The following CCDC102B variants were observed in gnomAD, a reference collection of about 807,000 sequenced individuals.
CCDC102B encodes coiled-coil domain containing 102B, also known as coiled-coil domain-containing protein 102B.
In CCDC102B, 75 loss-of-function variants were observed where a neutral mutation model predicts 57.4. That is an observed-to-expected ratio of 1.31 (90% CI 1.08 to 1.58). CCDC102B has a LOEUF of 1.58. CCDC102B is among the 40% of genes most tolerant of loss of function. The probability of loss-of-function intolerance (pLI) is 0.00; values close to 1 mark genes in which losing one functional copy is unlikely to be tolerated. For synonymous variants in CCDC102B, 206 were observed against 201.9 expected (o/e 1.02, Z -0.17); for missense variants, 636 against 582.6 (o/e 1.09, Z -0.94).
intron 7 of CCDC102B, among the ~76,000 whole-genome samples, chr18:69,015,846 CA>C (rs1303162861): frequency 4.6e-5 from 7 of 151,766 alleles, no homozygotes; most frequent in Non-Finnish European, 7.4e-5. Context: ...TATAATGGCA[CA>C]TTTTTTTATT....
At position 68,977,447 on chromosome 18, in the gene CCDC102B, G is replaced by A. The variant is rs561592147; in HGVS notation, c.1264-33487G>A. 7.3e-5 allele frequency among the ~76,000 whole-genome samples: 11 copies of A among 151,592 alleles called. No homozygotes were observed. In the South Asian group the frequency reaches 2.3e-3, roughly 32 times the overall value. ...CATGCCCTGACAGGCCCCAGTGTGT[G>A]ACGTTCCCCTCTCTATGTCCTTGTG... On this transcript the variant is annotated intron_variant, in intron 6 of 7. Transcript: ENST00000360242.
intron 1 of CCDC102B, among the ~76,000 whole-genome samples, chr18:68,818,450 G>T (rs58822112): frequency 0.048 from 7,310 of 152,180 alleles, 179 homozygotes; most frequent in African/African-American, 0.056. Context: ...AACGAACTTT[G>T]AAAAAGAATA....
chr18:68,799,816 G>A (rs1425090605), intron 1 of CCDC102B, among the ~76,000 whole-genome samples: 1 of 152,096 alleles, frequency 6.6e-6, no homozygotes, highest in African/African-American at 2.4e-5. Flanking sequence ...TATCTGATTG[G>A]AGCAGAAAAA....
downstream of CCDC102B, among the ~76,000 whole-genome samples, chr18:69,055,894 A>G (rs780216076): frequency 2.0e-5 from 3 of 152,050 alleles, no homozygotes; most frequent in Non-Finnish European, 4.4e-5. Context: ...ATACTCTCAC[A>G]TTATATCATG....
At chr18:68,747,697 CCTT>C (rs1175409871) in intron 2 of CCDC102B, among the ~76,000 whole-genome samples, 2 of 152,042 alleles carry the variant, frequency 1.3e-5, no homozygotes, top group African/African-American at 4.8e-5. Flanking sequence ...TATGGCAGGA[CCTT>C]CTTCTTTTCA....
chr18:68,725,407 C>T (rs1229497680), intron 2 of CCDC102B, among the ~76,000 whole-genome samples: 2 of 152,190 alleles, frequency 1.3e-5, no homozygotes, highest in Non-Finnish European at 2.9e-5. Flanking sequence ...CAAAAATCTA[C>T]AATCAAGGCG....
chr18:68,727,205 A>G (rs1271226428), intron 2 of CCDC102B, among the ~76,000 whole-genome samples: 1 of 152,166 alleles, frequency 6.6e-6, no homozygotes, highest in Non-Finnish European at 1.5e-5. Context: ...ATGCTGAGAT[A>G]ATATTCAGAA....
chr18:68,760,658 G>A (rs993588166), intron 2 of CCDC102B, among the ~76,000 whole-genome samples: 5 of 152,114 alleles, frequency 3.3e-5, no homozygotes, highest in South Asian at 2.1e-4. Context: ...AAGCAAATGC[G>A]TGGTGCTATG....
intron 6 of CCDC102B, among the ~76,000 whole-genome samples, chr18:68,934,979 G>A (rs964846164): frequency 4.6e-5 from 7 of 152,006 alleles, no homozygotes; most frequent in South Asian, 2.1e-4. Flanking sequence ...GGTAGGTGGC[G>A]GTGAGTCCTA....
intron 2 of CCDC102B, among the ~76,000 whole-genome samples, chr18:68,736,361 A>G (rs753067382): frequency 6.6e-5 from 10 of 152,186 alleles, no homozygotes; most frequent in Non-Finnish European, 1.5e-4. Flanking sequence ...GCATCTGTGA[A>G]ACACAAACAT....
intron 6 of CCDC102B, among the ~76,000 whole-genome samples, chr18:68,910,223 G>A (rs773048603): frequency 2.0e-5 from 3 of 152,154 alleles, no homozygotes; most frequent in African/African-American, 4.8e-5. Context: ...AATCTGGTAC[G>A]TGGAGATTGC....
rs777096973 is a variant in CCDC102B at position 68,838,872 on chromosome 18, C to G, written c.773C>G (p.Ser258Ter). The change falls in exon 3 of 8, where the codon TCA (serine) becomes TGA (stop). Residue 258 changes from serine (S) to a stop codon, truncating the protein, a stop_gained. Transcript: ENST00000360242. LOFTEE classifies it high-confidence loss of function. ...TTGGAAAATGAAGTAACTGAAATTT[C>G]AGCTTTGCAGGTGCATTTGGATGAA... Reference protein sequence around the residue: ...LPLENEVTEISALQVHLDEFQ... With the variant: ...LPLENEVTEI The G allele has an allele frequency of 5.0e-6, 8 of 1,613,786 alleles. No homozygotes were observed. In the African/African-American group the frequency reaches 5.3e-5, roughly 11 times the overall value.
At chr18:68,842,697 C>T (rs1211295854) in intron 3 of CCDC102B, among the ~76,000 whole-genome samples, 1 of 152,062 alleles carries the variant, frequency 6.6e-6, no homozygotes. Context: ...CTCACTGTCC[C>T]GTATTGGTGA....
chr18:68,876,446 A>G (rs1480895044), intron 5 of CCDC102B, among the ~76,000 whole-genome samples: 3 of 152,204 alleles, frequency 2.0e-5, no homozygotes, highest in Non-Finnish European at 2.9e-5. Flanking sequence ...TATTTTATTT[A>G]CTGACATAGT....
chr18:68,899,196 C>T (rs183066996), intron 6 of CCDC102B, among the ~76,000 whole-genome samples: 22 of 151,952 alleles, frequency 1.4e-4, no homozygotes, highest in Middle Eastern at 3.4e-3. Context: ...TATTTTGGAA[C>T]GGTAGCAAGC....
Position 69,054,235 on chromosome 18 carries a change from A to C in CCDC102B, c.*98A>C. 1 of 1,383,684 alleles carries C rather than the reference A, an allele frequency of 7.2e-7. No homozygotes were observed. The highest frequency in any genetic ancestry group is 9.3e-7 in the Non-Finnish European group (1 of 1,071,894). 85.7% of individuals were successfully genotyped at this position (1,383,684 alleles called of 1,614,324 possible). On this transcript the variant is annotated 3_prime_UTR_variant, in exon 8 of 8. Transcript: ENST00000360242. ...GTAAAATTGTTTTTATTAACTAGAA[A>C]TATTAATGAAAAAAACGTAGACAAT...
intron 6 of CCDC102B, among the ~76,000 whole-genome samples, chr18:68,928,947 G>A (rs566951328): frequency 5.1e-4 from 78 of 151,958 alleles, no homozygotes; most frequent in Middle Eastern, 3.4e-3. Flanking sequence ...TGGAGAGCAT[G>A]ACAAAGCGGC....
chr18:68,741,271 G>A (rs1170084543), intron 2 of CCDC102B, among the ~76,000 whole-genome samples: 1 of 152,166 alleles, frequency 6.6e-6, no homozygotes, highest in Non-Finnish European at 1.5e-5. Flanking sequence ...GATTGTTTGG[G>A]GCAGGGCAAA....
intron 2 of CCDC102B, among the ~76,000 whole-genome samples, chr18:68,734,096 C>A (rs962740677): frequency 6.6e-6 from 1 of 152,218 alleles, no homozygotes; most frequent in Non-Finnish European, 1.5e-5. Flanking sequence ...AGAATAATAT[C>A]TTTGCAAAGA....
Sources: gnomAD v4.1 joint callset for allele counts (sites outside exome capture counted in the v4.1 genomes callset) on GRCh38, gnomAD v4.1.1 for gene constraint, MANE v1.5 for transcripts, NCBI Gene and HGNC (gene_info 2026-07-23, HGNC 2026-07-21) for gene names.